AK5: variants seen among roughly 807,000 people sequenced by gnomAD.
AK5 encodes the protein adenylate kinase 5, also known as adenylate kinase isoenzyme 5.
Under a neutral mutation model 69.5 loss-of-function variants are expected in AK5, and 27 were observed. That is an observed-to-expected ratio of 0.39 (90% confidence interval 0.29 to 0.54). The LOEUF is 0.54. AK5 is among the 20% of genes least tolerant of loss of function. The pLI is 0.71. For synonymous variants in AK5, 260 were observed against 244.4 expected, an observed-to-expected ratio of 1.06 and a Z score of -0.60; for missense variants, 531 against 700.4, an observed-to-expected ratio of 0.76 and a Z score of 2.73.
chr1:77,321,766 T>C (rs1260890254), intron 5 of AK5, among the ~76,000 whole-genome samples: 1 of 152,138 alleles, frequency 6.6e-6, no homozygotes, highest in Non-Finnish European at 1.5e-5. Context: ...TAAATAGTGG[T>C]CTGAGAAGTT....
chr1:77,386,485 T>C (rs1648036474), intron 6 of AK5, among the ~76,000 whole-genome samples: 1 of 152,100 alleles, frequency 6.6e-6, no homozygotes, highest in Non-Finnish European at 1.5e-5. Context: ...AGGCAGCTCA[T>C]ATGACACTGT....
At chr1:77,517,067 T>TTAA (rs757101372) in intron 10 of AK5, among the ~76,000 whole-genome samples, 3 of 40,788 alleles carry the variant, frequency 7.4e-5, no homozygotes, top group Non-Finnish European at 1.3e-4. Context: ...CAAGACCATC[T>TTAA]CAAAAAAAAA....
chr1:77,422,761 G>A (rs1439023435), intron 8 of AK5, among the ~76,000 whole-genome samples: 3 of 152,124 alleles, frequency 2.0e-5, no homozygotes, highest in Non-Finnish European at 4.4e-5. Context: ...TGCCTGCCAC[G>A]GAGCCTGGCA....
At chr1:77,357,161 A>G (rs547344268) in intron 6 of AK5, among the ~76,000 whole-genome samples, 2 of 152,276 alleles carry the variant, frequency 1.3e-5, no homozygotes, top group South Asian at 4.1e-4. Context: ...AATTTTTATT[A>G]TATTCAAATA....
chr1:77,412,217 C>T (rs1650090878), intron 7 of AK5, among the ~76,000 whole-genome samples: 1 of 152,180 alleles, frequency 6.6e-6, no homozygotes, highest in Admixed American at 6.5e-5. Context: ...TGTTTCTCCA[C>T]TAGGGAGCCT....
chr1:77,429,948 G>A (rs936413948), intron 8 of AK5, among the ~76,000 whole-genome samples: 2 of 152,146 alleles, frequency 1.3e-5, no homozygotes, highest in Non-Finnish European at 2.9e-5. Context: ...TGGAAAGTAG[G>A]GCTTTGTAGA....
chr1:77,377,825 T>C (rs1647347334), intron 6 of AK5, among the ~76,000 whole-genome samples: 1 of 152,200 alleles, frequency 6.6e-6, no homozygotes, highest in South Asian at 2.1e-4. Context: ...TAATTTTTCT[T>C]GTTATCCTGT....
At chr1:77,416,465 T>C (rs183878517) in intron 7 of AK5, among the ~76,000 whole-genome samples, 2 of 152,314 alleles carry the variant, frequency 1.3e-5, no homozygotes, top group East Asian at 3.9e-4. Context: ...AGTATGTCCA[T>C]TTTGAAAAAC....
At chr1:77,354,188 C>G (rs1470791884) in intron 6 of AK5, among the ~76,000 whole-genome samples, 2 of 152,090 alleles carry the variant, frequency 1.3e-5, no homozygotes, top group Non-Finnish European at 2.9e-5. Flanking sequence ...TAAATTTTAT[C>G]TAAACCATTC....
chr1:77,417,743 A>G, intron 8 of AK5, 28 bp downstream of exon 8: 1 of 1,393,464 alleles, frequency 7.2e-7, no homozygotes, highest in Non-Finnish European at 1.0e-6. Flanking sequence ...ATAGTTCTCT[A>G]TTTAAATGTT....
At chr1:77,463,902 A>G (rs1426094925) in intron 8 of AK5, among the ~76,000 whole-genome samples, 1 of 152,178 alleles carries the variant, frequency 6.6e-6, no homozygotes, top group Admixed American at 6.5e-5. Flanking sequence ...GGCTTACATG[A>G]TAGGGGTAGG....
chr1:77,362,467 C>T (rs2054020), intron 6 of AK5, among the ~76,000 whole-genome samples: 82,735 of 151,832 alleles, frequency 0.54, 23,302 homozygotes, highest in Admixed American at 0.63. Flanking sequence ...CATGAGCCAC[C>T]GGAAGGATCA....
At chr1:77,473,045 C>T (rs1654619715) in intron 8 of AK5, among the ~76,000 whole-genome samples, 1 of 152,138 alleles carries the variant, frequency 6.6e-6, no homozygotes, top group Non-Finnish European at 1.5e-5. Context: ...TGCAAAATCC[C>T]TTTGGCCATG....
At chr1:77,337,876 G>A (rs73004430) in intron 5 of AK5, among the ~76,000 whole-genome samples, 10,216 of 152,106 alleles carry the variant, frequency 0.067, 427 homozygotes, top group Non-Finnish European at 0.085. Context: ...TACAATCCAT[G>A]CTCCTAATCA....
chr1:77,533,778 C>G (rs1306437149), intron 12 of AK5, among the ~76,000 whole-genome samples: 2 of 152,052 alleles, frequency 1.3e-5, no homozygotes, highest in African/African-American at 4.8e-5. Flanking sequence ...CACAAATGGC[C>G]TGAAAATAAC....
chr1:77,433,347 GT>G (rs778772018), intron 8 of AK5, among the ~76,000 whole-genome samples: 1 of 152,086 alleles, frequency 6.6e-6, no homozygotes, highest in Non-Finnish European at 1.5e-5. Context: ...TGTAAAATAT[GT>G]TTAGTTTTAT....
chr1:77,547,271 CTTTTTTTTT>C (rs532879024), intron 13 of AK5, among the ~76,000 whole-genome samples: 2 of 107,436 alleles, frequency 1.9e-5, no homozygotes, highest in Admixed American at 2.5e-4. Flanking sequence ...ATAAAGTTCT[CTTTTTTTTT>C]TTTTTTTTTT....
At chr1:77,305,427 G>A (rs2100272534) in intron 5 of AK5, among the ~76,000 whole-genome samples, 1 of 152,280 alleles carries the variant, frequency 6.6e-6, no homozygotes, top group South Asian at 2.1e-4. Flanking sequence ...ATGTCCTGGA[G>A]ATTTCCCCCA....
chr1:77,506,488 A>G (rs1657037031), intron 10 of AK5, among the ~76,000 whole-genome samples: 1 of 152,106 alleles, frequency 6.6e-6, no homozygotes, highest in African/African-American at 2.4e-5. Context: ...AACAGGCACC[A>G]GGAAAGGTAT....
Sources: allele counts gnomAD v4.1 joint callset (sites outside exome capture counted in the v4.1 genomes callset), GRCh38; gene constraint gnomAD v4.1.1; transcripts MANE v1.5; gene names NCBI Gene and HGNC (gene_info 2026-07-23, HGNC 2026-07-21).